PRRT1B: variants seen among roughly 807,000 people sequenced by gnomAD.
The protein encoded by PRRT1B is dispanin subfamily D member 2.
At position 131,551,624 on chromosome 9, in the gene PRRT1B, C is replaced by T. The variant is rs1409670814; in HGVS notation, c.26-2933C>T. ...GTTCCTGCCTTAACTGATGACATTC[C>T]ACCACAAAAGAAGTGAAAATGGCCT... On this transcript the variant is annotated intron_variant, in intron 1 of 3. Coordinates refer to ENST00000636672, the Ensembl canonical transcript of PRRT1B. This position sits in a 1 kb window ranked among gnomAD's most constrained non-coding sequence, Gnocchi z 4.4. Among the ~76,000 whole-genome samples the T allele has an allele frequency of 1.3e-5, 2 of 151,746 alleles. No homozygotes were observed. The highest frequency in any genetic ancestry group is 3.0e-5 in the Non-Finnish European group (2 of 67,736).
At chr9:131,552,207 G>T (rs1951016642) in intron 1 of PRRT1B, among the ~76,000 whole-genome samples, 1 of 152,236 alleles carries the variant, frequency 6.6e-6, no homozygotes, top group South Asian at 2.1e-4. Context: ...AGAGGACAAG[G>T]TCTCACTCTG....
intron 1 of PRRT1B, among the ~76,000 whole-genome samples, chr9:131,553,474 G>A (rs561488218): frequency 6.6e-6 from 1 of 152,346 alleles, no homozygotes; most frequent in South Asian, 2.1e-4. Flanking sequence ...TGTATGGGGT[G>A]CAGGGGCCAT....
chr9:131,549,681 C>T (rs778838575), intron 1 of PRRT1B, among the ~76,000 whole-genome samples: 34 of 152,182 alleles, frequency 2.2e-4, no homozygotes, highest in Non-Finnish European at 4.7e-4. Flanking sequence ...ACCCACTCCA[C>T]ATTACCTTCA....
At chr9:131,559,764 G>A (rs1051915863), downstream of PRRT1B, among the ~76,000 whole-genome samples, 1 of 151,180 alleles carries the variant, frequency 6.6e-6, no homozygotes, top group African/African-American at 2.4e-5. Context: ...ATAGCAAAGT[G>A]GGAAATTATC....
intron 1 of PRRT1B, 69 bp downstream of exon 1, chr9:131,545,709 G>A: frequency 5.0e-6 from 2 of 402,510 alleles, no homozygotes; most frequent in East Asian, 3.6e-5. Context: ...AGGTACTGGC[G>A]AGGCAGGTAC....
At chr9:131,553,237 C>T (rs989744741) in intron 1 of PRRT1B, among the ~76,000 whole-genome samples, 7 of 152,332 alleles carry the variant, frequency 4.6e-5, no homozygotes, top group Admixed American at 2.0e-4. Flanking sequence ...ATCTCTGGGA[C>T]GCTTTCTCAT....
At chr9:131,549,619 A>G (rs1331195546) in intron 1 of PRRT1B, among the ~76,000 whole-genome samples, 1 of 152,136 alleles carries the variant, frequency 6.6e-6, no homozygotes, top group African/African-American at 2.4e-5. Context: ...AGCTTCGGGT[A>G]ACTCTCACAG....
chr9:131,554,561 C>T (rs548513879), exon 2 of PRRT1B: 3 of 395,498 alleles, frequency 7.6e-6, no homozygotes, highest in East Asian at 7.2e-5. Flanking sequence ...TTCTAGGGTC[C>T]GACACGAAAG....
At chr9:131,552,612 TTTTTTTA>T (rs1951018745) in intron 1 of PRRT1B, among the ~76,000 whole-genome samples, 1 of 152,168 alleles carries the variant, frequency 6.6e-6, no homozygotes, top group African/African-American at 2.4e-5. Flanking sequence ...TTTCAGAGTT[TTTTTTTA>T]GGCTGGTCTG....
chr9:131,546,533 A>G (rs1368137786), intron 1 of PRRT1B, among the ~76,000 whole-genome samples: 4 of 139,570 alleles, frequency 2.9e-5, no homozygotes, highest in Non-Finnish European at 3.1e-5. Flanking sequence ...CTCATCCCCC[A>G]GCGCGACTGA....
At chr9:131,558,411 GC>G in exon 4 of PRRT1B, 1 of 387,476 alleles carries the variant, frequency 2.6e-6, no homozygotes, top group Non-Finnish European at 4.6e-6. Flanking sequence ...GCCCACTGGA[GC>G]CTCAGTCAGT....
intron 1 of PRRT1B, among the ~76,000 whole-genome samples, chr9:131,550,642 A>T (rs11243420): frequency 0.53 from 79,886 of 151,680 alleles, 21,269 homozygotes; most frequent in Middle Eastern, 0.56. Flanking sequence ...CTTATGCAAG[A>T]GTCGGGACTG....
Position 131,551,011 on chromosome 9 carries a change from C to T in PRRT1B, c.26-3546C>T, listed in dbSNP as rs553882241. 2.9e-4 allele frequency among the ~76,000 whole-genome samples: 38 copies of T among 130,740 alleles called. No individual in the cohort carries two copies. In the East Asian group the frequency reaches 5.5e-3, roughly 19 times the overall value. 85.8% of individuals were successfully genotyped at this position (130,740 alleles called of 152,430 possible). Reference sequence around the variant, plus strand: ...AGGCTGGAGTGCAGTGGCGCGATCTCGGCTCACTGCAAGCTCTGCCTCCCG... The same window carrying T: ...AGGCTGGAGTGCAGTGGCGCGATCTTGGCTCACTGCAAGCTCTGCCTCCCG... On this transcript the variant is annotated intron_variant, in intron 1 of 3. Coordinates refer to ENST00000636672, the Ensembl canonical transcript of PRRT1B. The surrounding 1 kb of genome is among the most constrained non-coding windows in gnomAD (Gnocchi z 4.4).
chr9:131,557,453 A>G (rs1449729810), intron 3 of PRRT1B, among the ~76,000 whole-genome samples: 1 of 152,182 alleles, frequency 6.6e-6, no homozygotes, highest in African/African-American at 2.4e-5. Flanking sequence ...CAGGAGAATC[A>G]CTTGAATCCA....
chr9:131,555,025 C>G, exon 2 of PRRT1B: 2 of 392,034 alleles, frequency 5.1e-6, no homozygotes, highest in Non-Finnish European at 9.0e-6. Context: ...TTCCCCTTCC[C>G]CGTGGTGAGT....
chr9:131,545,667 A>ACAGGTACTGGCGGGG (rs774842790), intron 1 of PRRT1B, 27 bp downstream of exon 1: 23 of 383,746 alleles, frequency 6.0e-5, no homozygotes, highest in Middle Eastern at 6.4e-4. Context: ...TGCTGGTGGG[A>ACAGGTACTGGCGGGG]CAGGTACTGG....
At chr9:131,546,684 G>A (rs1036419071) in intron 1 of PRRT1B, among the ~76,000 whole-genome samples, 1 of 149,744 alleles carries the variant, frequency 6.7e-6, no homozygotes, top group Non-Finnish European at 1.5e-5. Flanking sequence ...GGGGAGCCCG[G>A]ACCCCCCTTC....
chr9:131,546,696 C>G (rs1399701697), intron 1 of PRRT1B, among the ~76,000 whole-genome samples: 2 of 152,032 alleles, frequency 1.3e-5, no homozygotes, highest in Non-Finnish European at 2.9e-5. Flanking sequence ...CCCCCCTTCC[C>G]AGCTGGAATG....
chr9:131,559,075 T>C (rs1422175419), downstream of PRRT1B, among the ~76,000 whole-genome samples: 1 of 152,230 alleles, frequency 6.6e-6, no homozygotes, highest in Non-Finnish European at 1.5e-5. Flanking sequence ...CCTATGACTC[T>C]GGCATCAGAT....
Sources: allele counts gnomAD v4.1 joint callset (sites outside exome capture counted in the v4.1 genomes callset), GRCh38; gene constraint gnomAD v4.1.1; non-coding constraint Gnocchi (gnomAD v3.1); transcripts MANE v1.5; gene names NCBI Gene and HGNC (gene_info 2026-07-23, HGNC 2026-07-21).